The following SIM1 variants were observed in gnomAD, a reference collection of about 807,000 sequenced individuals.
SIM1 encodes single-minded homolog 1.
Under a neutral mutation model 78.2 loss-of-function variants are expected in SIM1, and 18 were observed. The ratio of observed to expected loss-of-function variants is 0.23; its 90% confidence interval spans 0.16 to 0.34. The LOEUF is 0.34. SIM1 is among the 10% of genes least tolerant of loss of function. SIM1 has a pLI of 1.00. For missense variants in SIM1, 939 were observed against 975.1 expected (o/e 0.96, Z 0.49); for synonymous variants, 417 against 385.2 (o/e 1.08, Z -0.97).
intron 1 of SIM1, among the ~76,000 whole-genome samples, chr6:100,464,221 C>T (rs1486442727): frequency 6.6e-6 from 1 of 152,218 alleles, no homozygotes; most frequent in Non-Finnish European, 1.5e-5. Context: ...GCCGCGGATC[C>T]CCGAGTCCGC....
chr6:100,453,617 C>T (rs1772568835), intron 3 of SIM1, 145 bp downstream of exon 3: 2 of 614,314 alleles, frequency 3.3e-6, no homozygotes, highest in Non-Finnish European at 5.5e-6. Flanking sequence ...CTGAGAGGGC[C>T]ACGTGCAGTC....
Position 100,460,759 on chromosome 6 carries a change from G to T in SIM1, c.175+2535C>A, listed in dbSNP as rs144584404. Among the ~76,000 whole-genome samples, 44 of 152,310 alleles carry T rather than the reference G, an allele frequency of 2.9e-4. 2 individuals carry two copies. The East Asian group carries it at 8.3e-3, about 29-fold the overall frequency. On this transcript the variant is annotated intron_variant, in intron 2 of 11. Transcript: ENST00000369208. Reference sequence around the variant, plus strand: ...AAATTTGGCACCCCCTATAGGTTGTGCCTGGTCTTGCGATTGTGACTATTT... The same window carrying T: ...AAATTTGGCACCCCCTATAGGTTGTTCCTGGTCTTGCGATTGTGACTATTT...
At chr6:100,393,349 C>A (rs1217992190) in intron 11 of SIM1, 138 bp downstream of exon 11, 63 of 748,728 alleles carry the variant, frequency 8.4e-5, no homozygotes, top group Non-Finnish European at 1.1e-4. Context: ...ACTGAGTGAA[C>A]TTTGTTTTTA....
At position 100,395,679 on chromosome 6, in the gene SIM1, G is replaced by C. The variant is rs138136985; in HGVS notation, c.1168-1790C>G. Among the ~76,000 whole-genome samples the C allele has an allele frequency of 3.3e-3, 499 of 152,304 alleles. 2 individuals carry two copies. The highest frequency in any genetic ancestry group is 0.012 in the African/African-American group (485 of 41,578). On this transcript the variant is annotated intron_variant, in intron 10 of 11. Coordinates refer to ENST00000369208, the MANE Select transcript of SIM1 (RefSeq NM_005068.3). Reference sequence around the variant, plus strand: ...CCACTGCTGTTCCCTTGTCGCCCATGATGAGAACTTCATAGGACAAAACAA... The same window carrying C: ...CCACTGCTGTTCCCTTGTCGCCCATCATGAGAACTTCATAGGACAAAACAA...
intron 10 of SIM1, among the ~76,000 whole-genome samples, chr6:100,419,934 C>G (rs1265647000): frequency 6.6e-6 from 1 of 152,144 alleles, no homozygotes; most frequent in African/African-American, 2.4e-5. Flanking sequence ...AGTCACCGTG[C>G]CCAGCCTCCA....
chr6:100,449,020 C>A (rs2114541587), intron 6 of SIM1, among the ~76,000 whole-genome samples: 1 of 152,286 alleles, frequency 6.6e-6, no homozygotes, highest in Non-Finnish European at 1.5e-5. Context: ...TGGTTTCTAA[C>A]CTCTTATGTA....
intron 10 of SIM1, among the ~76,000 whole-genome samples, chr6:100,406,499 G>A (rs1189353756): frequency 6.6e-6 from 1 of 152,098 alleles, no homozygotes; most frequent in African/African-American, 2.4e-5. Flanking sequence ...GCTGAAAGAG[G>A]AGGTCTATCA....
chr6:100,403,409 C>G (rs1770977036), intron 10 of SIM1, among the ~76,000 whole-genome samples: 1 of 152,230 alleles, frequency 6.6e-6, no homozygotes, highest in Non-Finnish European at 1.5e-5. Context: ...TCCTTTGGGG[C>G]TTAATATGCA....
intron 9 of SIM1, 21 bp from the exon 10 acceptor site, chr6:100,420,979 G>T: frequency 1.9e-6 from 3 of 1,606,818 alleles, no homozygotes; most frequent in Non-Finnish European, 1.7e-6. Flanking sequence ...GGAGGACAAA[G>T]CCCTTAATCA....
At chr6:100,449,322 C>T (rs554418658) in intron 6 of SIM1, 41 bp downstream of exon 6, 2 of 1,554,966 alleles carry the variant, frequency 1.3e-6, no homozygotes, top group East Asian at 2.2e-5. Flanking sequence ...TGCTTCCCGC[C>T]TCCTCTGACT....
At chr6:100,460,566 A>G (rs1283177864) in intron 2 of SIM1, among the ~76,000 whole-genome samples, 1 of 152,196 alleles carries the variant, frequency 6.6e-6, no homozygotes, top group Non-Finnish European at 1.5e-5. Context: ...TTGAGGACCT[A>G]CTATGTACTA....
chr6:100,448,065 G>T, intron 8 of SIM1, 81 bp downstream of exon 8: 2 of 1,155,564 alleles, frequency 1.7e-6, no homozygotes, highest in African/African-American at 1.5e-5. Context: ...CTCTTGCGAG[G>T]GATTTAAATC....
Position 100,464,241 on chromosome 6 carries a change from G to A in SIM1, c.-467-306C>T, listed in dbSNP as rs184196032. Among the ~76,000 whole-genome samples the A allele has an allele frequency of 2.8e-3, 429 of 152,202 alleles. 4 individuals carry two copies. Among genetic ancestry groups the A allele is most frequent in the Admixed American group, 5.2e-3 (79 of 15,302 alleles). The stretch of plus-strand genomic sequence containing the variant: ...GGATCCCCGAGTCCGCGCCCAGGCC[G>A]GGCGCACGTCCCAGGAAAGCAGGTT... On this transcript the variant is annotated intron_variant, in intron 1 of 11. Transcript: ENST00000369208.
intron 9 of SIM1, among the ~76,000 whole-genome samples, chr6:100,429,090 T>C (rs1340510229): frequency 6.6e-6 from 1 of 152,178 alleles, no homozygotes; most frequent in African/African-American, 2.4e-5. Flanking sequence ...TATACAGGGC[T>C]GGGCACGGTA....
At position 100,397,963 on chromosome 6, in the gene SIM1, A is replaced by G. The variant is rs115432366; in HGVS notation, c.1168-4074T>C. On this transcript the variant is annotated intron_variant, in intron 10 of 11. Transcript: ENST00000369208. ...AGATGCAAATTAAAACCACAATGAAATATCACGATACACCTATCAGGCTGG... is the reference window on the plus strand; with the variant it reads ...AGATGCAAATTAAAACCACAATGAAGTATCACGATACACCTATCAGGCTGG... 7.4e-3 allele frequency among the ~76,000 whole-genome samples: 1,124 copies of G among 152,304 alleles called. 10 individuals are homozygous for G. Among genetic ancestry groups the G allele is most frequent in the African/African-American group, 0.026 (1,065 of 41,576 alleles).
At chr6:100,426,025 T>A (rs1274435119) in intron 9 of SIM1, among the ~76,000 whole-genome samples, 1 of 152,246 alleles carries the variant, frequency 6.6e-6, no homozygotes, top group Non-Finnish European at 1.5e-5. Context: ...CAAGGGCAGT[T>A]CATGCTGTTC....
Position 100,389,591 on chromosome 6 carries a change from A to T in SIM1, c.*770T>A. On this transcript the variant is annotated 3_prime_UTR_variant, in exon 12 of 12. Transcript: ENST00000369208. ...TTTCCATATTCATAGAACTACTTCC[A>T]ATTGAGCACTCCAGGTTTTTGATGT... 2.5e-6 allele frequency: 1 copy of T among 398,920 alleles called. No homozygotes were observed. Among genetic ancestry groups the T allele is most frequent in the East Asian group, 3.6e-5 (1 of 28,062 alleles). The allele number at this position is 398,920 out of a possible 1,614,324, so 24.7% of individuals were successfully genotyped here.
At chr6:100,432,255 C>G (rs780993806) in intron 9 of SIM1, among the ~76,000 whole-genome samples, 1 of 152,192 alleles carries the variant, frequency 6.6e-6, no homozygotes, top group Non-Finnish European at 1.5e-5. Context: ...CAGCACGCCT[C>G]GGAAGCACCT....
At chr6:100,455,763 G>A (rs1007790896) in intron 2 of SIM1, among the ~76,000 whole-genome samples, 3 of 152,192 alleles carry the variant, frequency 2.0e-5, no homozygotes, top group Admixed American at 1.3e-4. Flanking sequence ...GGTCTCGCGC[G>A]GTTCCCGAAG....
Sources: gnomAD v4.1 joint callset for allele counts (sites outside exome capture counted in the v4.1 genomes callset) on GRCh38, gnomAD v4.1.1 for gene constraint, MANE v1.5 for transcripts, NCBI Gene and HGNC (gene_info 2026-07-23, HGNC 2026-07-21) for gene names.